The following ANXA6 variants were observed in gnomAD, a reference collection of about 807,000 sequenced individuals.
ANXA6 encodes annexin A6.
ANXA6 carries 71 observed loss-of-function variants against 95.4 expected under a neutral mutation model. The ratio of observed to expected loss-of-function variants is 0.74; its 90% CI spans 0.61 to 0.91. ANXA6 has a LOEUF of 0.91. Ranked by LOEUF, ANXA6 falls within the 40% of genes least tolerant of loss-of-function variation. The pLI is 0.00. For synonymous variants in ANXA6, 289 were observed against 315.9 expected (o/e 0.91, Z 0.90); for missense variants, 830 against 876.4 (o/e 0.95, Z 0.67).
intron 16 of ANXA6, 34 bp downstream of exon 16, chr5:151,122,883 A>G (rs377237791): frequency 4.4e-6 from 7 of 1,588,416 alleles, no homozygotes; most frequent in African/African-American, 1.3e-5. Context: ...AGGTGCATGC[A>G]TGTTGCACAG....
Position 151,138,239 on chromosome 5 carries a change from C to A in ANXA6, c.318+439G>T, listed in dbSNP as rs149504509. ...TCTTCATACCCTAAACACAGATCCACAACTTCTCCTGCCATTTTTACACCC... is the reference window on the plus strand; with the variant it reads ...TCTTCATACCCTAAACACAGATCCAAAACTTCTCCTGCCATTTTTACACCC... On this transcript the variant is annotated intron_variant, in intron 5 of 25. Coordinates refer to ENST00000354546, the MANE Select transcript of ANXA6 (RefSeq NM_001155.5). Among the ~76,000 whole-genome samples, 52 of 152,324 alleles carry A rather than the reference C, an allele frequency of 3.4e-4. No homozygotes were observed. The East Asian group carries it at 8.7e-3, about 25-fold the overall frequency.
At chr5:151,126,551 C>CACCA in intron 13 of ANXA6, 71 bp from the exon 14 acceptor site, 1 of 481,260 alleles carries the variant, frequency 2.1e-6, no homozygotes, top group South Asian at 2.4e-5. Flanking sequence ...CCAACACACA[C>CACCA]ACACACACAC....
rs1474673192 is a variant in ANXA6, at chr5:151,100,887, G to A, written c.*561C>T. The A allele has an allele frequency of 2.2e-6, 1 of 456,190 alleles. No homozygotes were observed. Among genetic ancestry groups the A allele is most frequent in the African/African-American group, 2.0e-5 (1 of 50,050 alleles). 28.3% of individuals were successfully genotyped at this position (456,190 alleles called of 1,614,324 possible). On this transcript the variant is annotated 3_prime_UTR_variant, in exon 26 of 26. Coordinates refer to ENST00000354546, the MANE Select transcript of ANXA6 (RefSeq NM_001155.5). ...CAGGGAGGGAAAGGGGCTGGCCTAA[G>A]GTCAGAAACAAGTGCATGGCAGATG...
intron 11 of ANXA6, 59 bp from the exon 12 acceptor site, chr5:151,129,588 C>T: frequency 6.6e-7 from 1 of 1,514,832 alleles, no homozygotes; most frequent in East Asian, 2.4e-5. Context: ...GTGCTGATAG[C>T]TCCCAGCTTA....
rs775277485 is a variant in ANXA6 at position 151,136,350 on chromosome 5, G to A, written c.410-15C>T. 5.0e-6 allele frequency: 8 copies of A among 1,613,360 alleles called. No individual in the cohort carries two copies. Among genetic ancestry groups the A allele is most frequent in the East Asian group, 2.2e-5 (1 of 44,884 alleles). The stretch of plus-strand genomic sequence containing the variant: ...CCGCTCGTAGGCTGCAGAAAGGAAC[G>A]CAAGCTCTAGTCTCATCCCCAGAGA... On this transcript the variant is annotated splice_polypyrimidine_tract_variant and intron_variant, in intron 6 of 25. Coordinates refer to ENST00000354546, the MANE Select transcript of ANXA6 (RefSeq NM_001155.5).
chr5:151,150,732 GGGGAGGAGGGGGCCCACATCTACCCC>G (rs565982419), intron 1 of ANXA6, among the ~76,000 whole-genome samples: 1 of 152,322 alleles, frequency 6.6e-6, no homozygotes, highest in African/African-American at 2.4e-5. Flanking sequence ...TGTGTGGTGG[GGGGAGGAGGGGGCCCACATCTACCCC>G]GGGATGAGGC....
chr5:151,152,751 G>A (rs985215210), intron 1 of ANXA6, among the ~76,000 whole-genome samples: 15 of 152,054 alleles, frequency 9.9e-5, no homozygotes, highest in Non-Finnish European at 1.9e-4. Flanking sequence ...AATATTAGGG[G>A]TGCAGGCTGA....
chr5:151,129,517 G>A lies in ANXA6; in HGVS notation c.808C>T (p.Arg270Trp), dbSNP rs771874570. The A allele has an allele frequency of 4.4e-6, 7 of 1,603,658 alleles. No individual in the cohort carries two copies. Among genetic ancestry groups the A allele is most frequent in the South Asian group, 3.4e-5 (3 of 89,306 alleles). The change falls in exon 12 of 26, where the codon CGG (arginine) becomes TGG (tryptophan). Residue 270 changes from arginine (R) to tryptophan (W), a missense_variant. Physicochemically the swap from Arg to Trp is moderately radical, Grantham distance 101 (BLOSUM62 -3). Coordinates refer to ENST00000354546, the MANE Select transcript of ANXA6 (RefSeq NM_001155.5). ...LFKAMKGLGT[R>W]DNTLIRIMVS... Reference sequence around the variant, plus strand: ...ATGATGCGGATCAGGGTGTTGTCCCGAGTCCCCAGGCCCTGCAAGACAAGT... The same window carrying A: ...ATGATGCGGATCAGGGTGTTGTCCCAAGTCCCCAGGCCCTGCAAGACAAGT...
chr5:151,102,259 A>G (rs1561562010), intron 25 of ANXA6, among the ~76,000 whole-genome samples: 1 of 152,300 alleles, frequency 6.6e-6, no homozygotes, highest in South Asian at 2.1e-4. Context: ...ATAGTATCAA[A>G]ATGTGCCAAC....
At chr5:151,157,015 GAA>G (rs1211047958) in intron 1 of ANXA6, among the ~76,000 whole-genome samples, 4 of 152,212 alleles carry the variant, frequency 2.6e-5, no homozygotes, top group African/African-American at 9.7e-5. Flanking sequence ...CAAACTTTGG[GAA>G]GGCCTAGACC....
In ANXA6 at chr5:151,124,536, T is replaced by TGAGA. The variant is rs56708608; in HGVS notation, c.1057-173_1057-170dup. On this transcript the variant is annotated intron_variant, in intron 14 of 25. Transcript: ENST00000354546. ...CAGCAGACAGACCCTGCACGAGAGC[T>TGAGA]GAGAGAGAGAGAGAGAGAGAGAGAG... is the stretch of plus-strand genomic sequence containing the variant. Among the ~76,000 whole-genome samples the TGAGA allele has an allele frequency of 8.6e-4, 127 of 146,834 alleles. 2 individuals are homozygous for TGAGA. Among genetic ancestry groups the TGAGA allele is most frequent in the African/African-American group, 2.7e-3 (109 of 40,302 alleles).
chr5:151,136,945 A>G (rs872543), intron 6 of ANXA6, among the ~76,000 whole-genome samples: 23,351 of 152,138 alleles, frequency 0.15, 1,867 homozygotes, highest in Middle Eastern at 0.23. Context: ...ACTTAGCTAA[A>G]ATCCATCATC....
Position 151,122,336 on chromosome 5 carries a change from G to A in ANXA6, c.1234-76C>T, listed in dbSNP as rs528105956. 5.2e-5 allele frequency: 41 copies of A among 788,258 alleles called. No individual in the cohort carries two copies. The Admixed American group carries it at 1.1e-3, about 22-fold the overall frequency. The allele number at this position is 788,258 out of a possible 1,614,324, so 48.8% of individuals were successfully genotyped here. On this transcript the variant is annotated intron_variant, in intron 16 of 25. Coordinates refer to ENST00000354546, the MANE Select transcript of ANXA6 (RefSeq NM_001155.5). ...TGACTCAGGATGGGAGAGATGGAAA[G>A]AGAAAACAGGGGTTCCACATGAGGG...
chr5:151,154,266 G>A (rs910675545), intron 1 of ANXA6, among the ~76,000 whole-genome samples: 1 of 149,570 alleles, frequency 6.7e-6, no homozygotes, highest in Non-Finnish European at 1.5e-5. Context: ...CAAAGCTGGT[G>A]ATAAGGTGAT....
intron 2 of ANXA6, among the ~76,000 whole-genome samples, chr5:151,142,557 G>A (rs1424709444): frequency 1.3e-5 from 2 of 152,082 alleles, no homozygotes; most frequent in Admixed American, 6.5e-5. Context: ...AGACCTTTTA[G>A]TTCAGCTTCC....
intron 1 of ANXA6, among the ~76,000 whole-genome samples, 173 bp downstream of exon 1, chr5:151,157,507 C>A (rs538246675): frequency 1.1e-3 from 163 of 152,354 alleles, no homozygotes; most frequent in African/African-American, 3.8e-3. Context: ...TGCTCCGCTG[C>A]GCTCCCCAGA....
Position 151,104,788 on chromosome 5 carries a change from C to T in ANXA6, c.1839+457G>A, listed in dbSNP as rs567792511. ...CTTGTGACCTTTGATGACTATTTGT[C>T]CTAGGAGACCCTGTGTCCCCGGATA... On this transcript the variant is annotated intron_variant, in intron 24 of 25. Coordinates refer to ENST00000354546, the MANE Select transcript of ANXA6 (RefSeq NM_001155.5). Among the ~76,000 whole-genome samples the T allele has an allele frequency of 1.2e-4, 19 of 152,292 alleles. 1 individual carries two copies. The South Asian group carries it at 3.9e-3, about 32-fold the overall frequency.
At chr5:151,137,439 A>C in intron 5 of ANXA6, 118 bp from the exon 6 acceptor site, 1 of 672,012 alleles carries the variant, frequency 1.5e-6, no homozygotes, top group Non-Finnish European at 2.5e-6. Flanking sequence ...GTTCCTACCC[A>C]GCTCTTAGGC....
rs561708210 is a variant in ANXA6 at position 151,139,327 on chromosome 5, A to C, written c.204+26T>G. On this transcript the variant is annotated intron_variant, in intron 4 of 25. Coordinates refer to ENST00000354546, the MANE Select transcript of ANXA6 (RefSeq NM_001155.5). Reference sequence around the variant, plus strand: ...GAAATCATTCTTCCACCCGCACCCCATGGGCCCTCCGGTTGCTGTGGTTAC... The same window carrying C: ...GAAATCATTCTTCCACCCGCACCCCCTGGGCCCTCCGGTTGCTGTGGTTAC... 2.3e-3 allele frequency: 3,573 copies of C among 1,535,766 alleles called. 8 individuals carry two copies. The highest frequency in any genetic ancestry group is 2.6e-3 in the Non-Finnish European group (2,913 of 1,121,894).
Sources: allele counts gnomAD v4.1 joint callset (sites outside exome capture counted in the v4.1 genomes callset), GRCh38; gene constraint gnomAD v4.1.1; transcripts MANE v1.5; gene names NCBI Gene and HGNC (gene_info 2026-07-23, HGNC 2026-07-21).